The following EPHA5 variants were observed in gnomAD, a reference collection of about 807,000 sequenced individuals.
EPHA5 encodes the protein ephrin type-A receptor 5.
Under a neutral mutation model 105.0 loss-of-function variants are expected in EPHA5, and 60 were observed. That is an observed-to-expected ratio of 0.57 (90% CI 0.46 to 0.71). The LOEUF (loss-of-function observed/expected upper bound fraction) is 0.71, where lower values mean the gene tolerates loss of function less well. Among genes scored for constraint, EPHA5 ranks in the 30% least tolerant of loss-of-function variants. The pLI is 0.00. For missense variants in EPHA5, 1,218 were observed against 1,274.7 expected (o/e 0.96, Z 0.68); for synonymous variants, 513 against 449.1 (o/e 1.14, Z -1.80).
chr4:65,447,655 C>T (rs916119210), intron 5 of EPHA5, among the ~76,000 whole-genome samples: 1 of 151,936 alleles, frequency 6.6e-6, no homozygotes, highest in African/African-American at 2.4e-5. Flanking sequence ...TCCTTGCCAA[C>T]ACAGACAGCT....
At chr4:65,617,289 G>A (rs1745324940) in intron 2 of EPHA5, among the ~76,000 whole-genome samples, 1 of 151,988 alleles carries the variant, frequency 6.6e-6, no homozygotes, top group South Asian at 2.1e-4. Context: ...TCCCCCAATG[G>A]ATTCATTCTC....
chr4:65,626,608 T>C lies in EPHA5; in HGVS notation c.246+16755A>G, dbSNP rs530859147. Among the ~76,000 whole-genome samples the C allele has an allele frequency of 6.6e-5, 10 of 152,302 alleles. No homozygotes were observed. In the East Asian group the frequency reaches 7.7e-4, roughly 12 times the overall value. The stretch of plus-strand genomic sequence containing the variant: ...TGCATCTACAACTATATCAAGAAAT[T>C]AAGTTCAAAATCATGATTTCAAGGT... On this transcript the variant is annotated intron_variant, in intron 2 of 16. Coordinates refer to ENST00000613740, the MANE Select transcript of EPHA5 (RefSeq NM_001281766.3).
At chr4:65,445,857 C>A (rs1726467614) in intron 5 of EPHA5, among the ~76,000 whole-genome samples, 1 of 152,114 alleles carries the variant, frequency 6.6e-6, no homozygotes, top group African/African-American at 2.4e-5. Flanking sequence ...TCTAGTAGTT[C>A]AAGGAATAGA....
intron 14 of EPHA5, among the ~76,000 whole-genome samples, chr4:65,343,028 G>C (rs1013295385): frequency 6.6e-6 from 1 of 151,966 alleles, no homozygotes; most frequent in Non-Finnish European, 1.5e-5. Flanking sequence ...TAAAAAACAG[G>C]CTACTTAAAT....
At chr4:65,476,962 A>G (rs988752955) in intron 5 of EPHA5, among the ~76,000 whole-genome samples, 4 of 152,208 alleles carry the variant, frequency 2.6e-5, no homozygotes, top group East Asian at 1.9e-4. Flanking sequence ...AGTTTAAAAC[A>G]TATTATTTAC....
intron 1 of EPHA5, among the ~76,000 whole-genome samples, chr4:65,650,274 G>A (rs1267528862): frequency 2.0e-5 from 3 of 151,874 alleles, no homozygotes; most frequent in Non-Finnish European, 4.4e-5. Context: ...CTGGCTGGGC[G>A]CGGTGGCTCA....
At chr4:65,599,158 T>G (rs937330564) in intron 3 of EPHA5, among the ~76,000 whole-genome samples, 2 of 152,018 alleles carry the variant, frequency 1.3e-5, no homozygotes, top group Admixed American at 1.3e-4. Context: ...AAGAGAAAGT[T>G]GACTGGTAAT....
chr4:65,428,679 GT>G (rs111386536), intron 5 of EPHA5, among the ~76,000 whole-genome samples: 88 of 152,010 alleles, frequency 5.8e-4, no homozygotes, highest in African/African-American at 1.4e-3. Context: ...GTATAGTTTG[GT>G]TTTTTTCAAA....
intron 8 of EPHA5, among the ~76,000 whole-genome samples, chr4:65,398,231 G>A (rs972237033): frequency 6.6e-6 from 1 of 152,182 alleles, no homozygotes; most frequent in African/African-American, 2.4e-5. Flanking sequence ...GCAAAGTTGA[G>A]GATGACCCTG....
intron 3 of EPHA5, among the ~76,000 whole-genome samples, chr4:65,574,677 T>TATATATAC (rs1553942769): frequency 2.8e-5 from 1 of 35,232 alleles, no homozygotes; most frequent in Non-Finnish European, 5.4e-5. Flanking sequence ...CACATATATA[T>TATATATAC]ACATATATAT....
At chr4:65,618,981 C>A (rs1408783307) in intron 2 of EPHA5, among the ~76,000 whole-genome samples, 2 of 152,014 alleles carry the variant, frequency 1.3e-5, no homozygotes, top group Non-Finnish European at 2.9e-5. Context: ...ATGGTGAAAC[C>A]CCGTCTCTAT....
At chr4:65,576,491 T>G (rs969654757) in intron 3 of EPHA5, among the ~76,000 whole-genome samples, 1 of 152,112 alleles carries the variant, frequency 6.6e-6, no homozygotes, top group Non-Finnish European at 1.5e-5. Context: ...CACAATATGG[T>G]TTTTGAACAC....
At chr4:65,352,677 A>T (rs1722927979) in intron 12 of EPHA5, among the ~76,000 whole-genome samples, 1 of 151,802 alleles carries the variant, frequency 6.6e-6, no homozygotes, top group African/African-American at 2.4e-5. Context: ...TGCCTGATAC[A>T]CTAAGAGAAA....
intron 8 of EPHA5, among the ~76,000 whole-genome samples, chr4:65,388,866 G>GT (rs998986788): frequency 3.9e-4 from 60 of 151,964 alleles, no homozygotes; most frequent in African/African-American, 1.4e-3. Flanking sequence ...TGCTTTTGGT[G>GT]TTTTAGGCAT....
At chr4:65,554,474 C>T (rs537782130) in intron 3 of EPHA5, among the ~76,000 whole-genome samples, 1 of 150,910 alleles carries the variant, frequency 6.6e-6, no homozygotes, top group South Asian at 2.1e-4. Context: ...ACAGTAGTTA[C>T]AAGTGAGAAA....
intron 3 of EPHA5, among the ~76,000 whole-genome samples, chr4:65,517,392 T>C (rs1265358820): frequency 1.3e-5 from 2 of 151,882 alleles, no homozygotes; most frequent in African/African-American, 4.8e-5. Flanking sequence ...AACAGAATAG[T>C]AATAATTTAT....
At chr4:65,393,625 A>G (rs558173112) in intron 8 of EPHA5, among the ~76,000 whole-genome samples, 2 of 152,318 alleles carry the variant, frequency 1.3e-5, no homozygotes, top group South Asian at 2.1e-4. Context: ...GTTCAACAAC[A>G]TTCTTGAATT....
intron 1 of EPHA5, among the ~76,000 whole-genome samples, chr4:65,667,101 CT>C (rs1750031590): frequency 6.6e-6 from 1 of 152,260 alleles, no homozygotes; most frequent in Non-Finnish European, 1.5e-5. Context: ...TTTCTGCCCC[CT>C]GACCTTCCAA....
chr4:65,513,820 G>A (rs1255091217), intron 3 of EPHA5, among the ~76,000 whole-genome samples: 1 of 151,380 alleles, frequency 6.6e-6, no homozygotes, highest in Non-Finnish European at 1.5e-5. Context: ...ATTATATGCC[G>A]GCCTTGTCCT....
Sources: gnomAD v4.1 joint callset for allele counts (sites outside exome capture counted in the v4.1 genomes callset) on GRCh38, gnomAD v4.1.1 for gene constraint, MANE v1.5 for transcripts, NCBI Gene and HGNC (gene_info 2026-07-23, HGNC 2026-07-21) for gene names.